Variants in NETO1 observed in about 807,000 individuals in gnomAD.
NETO1 encodes the protein neuropilin and tolloid-like protein 1.
NETO1 carries 26 observed loss-of-function variants against 61.3 expected under a neutral mutation model. The ratio of observed to expected loss-of-function variants is 0.42; its 90% CI spans 0.31 to 0.59. NETO1 has a LOEUF of 0.59. NETO1 is among the 20% of genes least tolerant of loss of function. The pLI is 0.12. For synonymous variants in NETO1, 225 were observed against 225.8 expected, an observed-to-expected ratio of 1.00 and a Z score of 0.03; for missense variants, 531 against 662.8, an observed-to-expected ratio of 0.80 and a Z score of 2.18.
intron 7 of NETO1, among the ~76,000 whole-genome samples, chr18:72,757,782 A>G (rs1269415823): frequency 6.6e-6 from 1 of 152,204 alleles, no homozygotes; most frequent in African/African-American, 2.4e-5. Flanking sequence ...GTAGCTGACT[A>G]TAATGGCTTT....
At chr18:72,834,532 T>C (rs2156099) in intron 4 of NETO1, 395,402 of 960,548 alleles carry the variant, frequency 0.41, 82,073 homozygotes, top group East Asian at 0.64. Flanking sequence ...TTAATTACTA[T>C]ATATAATATA....
At chr18:72,754,124 C>A (rs540672786) in intron 8 of NETO1, among the ~76,000 whole-genome samples, 1 of 152,012 alleles carries the variant, frequency 6.6e-6, no homozygotes, top group Non-Finnish European at 1.5e-5. Context: ...TAGTAGAAAT[C>A]TAATACATTC....
At chr18:72,856,054 T>C (rs1215869920) in intron 4 of NETO1, among the ~76,000 whole-genome samples, 1 of 152,194 alleles carries the variant, frequency 6.6e-6, no homozygotes, top group African/African-American at 2.4e-5. Flanking sequence ...TGTATAAATA[T>C]TGTGTATATA....
At chr18:72,763,389 T>C (rs1182578117) in intron 7 of NETO1, among the ~76,000 whole-genome samples, 1 of 152,172 alleles carries the variant, frequency 6.6e-6, no homozygotes, top group Non-Finnish European at 1.5e-5. Context: ...TCCCTGGACT[T>C]AGGGTCTGGC....
Position 72,830,922 on chromosome 18 carries a change from C to T in NETO1, c.469+27904G>A, listed in dbSNP as rs1399818850. ...ATTTACCACTGCAGGAAAAACTGTA[C>T]TTGATAGGGTTGTCAATTATGCCTT... On this transcript the variant is annotated intron_variant, in intron 4 of 10. Coordinates refer to ENST00000327305, the MANE Select transcript of NETO1 (RefSeq NM_138966.5). The surrounding 1 kb of genome is among the most constrained non-coding windows in gnomAD (Gnocchi z 4.9). 2.0e-5 allele frequency among the ~76,000 whole-genome samples: 3 copies of T among 152,058 alleles called. No homozygotes were observed. Among genetic ancestry groups the T allele is most frequent in the Non-Finnish European group, 2.9e-5 (2 of 68,026 alleles).
At chr18:72,779,134 G>A (rs534880664) in intron 7 of NETO1, among the ~76,000 whole-genome samples, 7 of 152,192 alleles carry the variant, frequency 4.6e-5, no homozygotes, top group South Asian at 2.1e-4. Context: ...TGAATAAGAC[G>A]AAAGCTGATC....
At chr18:72,795,348 T>A (rs534033634) in intron 4 of NETO1, among the ~76,000 whole-genome samples, 20 of 152,308 alleles carry the variant, frequency 1.3e-4, no homozygotes, top group African/African-American at 4.8e-4. Flanking sequence ...GAATCATGCG[T>A]TAGCCAACTT....
chr18:72,834,443 A>G, intron 4 of NETO1: 8 of 979,714 alleles, frequency 8.2e-6, no homozygotes, highest in Non-Finnish European at 9.7e-6. Flanking sequence ...AAGAACACAG[A>G]AAAACATATC....
At chr18:72,773,325 C>A (rs2071438145) in intron 7 of NETO1, among the ~76,000 whole-genome samples, 1 of 152,080 alleles carries the variant, frequency 6.6e-6, no homozygotes, top group Non-Finnish European at 1.5e-5. Context: ...AAATCAAAGT[C>A]AATCAAGCTT....
intron 7 of NETO1, among the ~76,000 whole-genome samples, chr18:72,762,318 G>A (rs2071004242): frequency 6.6e-6 from 1 of 151,956 alleles, no homozygotes; most frequent in African/African-American, 2.4e-5. Flanking sequence ...GCACCACCAC[G>A]CCCGGCTAAA....
Position 72,767,135 on chromosome 18 carries a change from G to A in NETO1, c.869-10988C>T, listed in dbSNP as rs77458733. 3.4e-3 allele frequency among the ~76,000 whole-genome samples: 516 copies of A among 152,184 alleles called. 2 individuals carry two copies. Among genetic ancestry groups the A allele is most frequent in the African/African-American group, 0.012 (502 of 41,512 alleles). ...TGAACATGCCAAGTCCCACAAAGGGGGCCTGCAGTAAATGAAGATTAGAGC... is the reference window on the plus strand; with the variant it reads ...TGAACATGCCAAGTCCCACAAAGGGAGCCTGCAGTAAATGAAGATTAGAGC... On this transcript the variant is annotated intron_variant, in intron 7 of 10. Transcript: ENST00000327305.
At chr18:72,859,274 C>T (rs938918804) in intron 3 of NETO1, among the ~76,000 whole-genome samples, 200 bp from the exon 4 acceptor site, 10 of 152,192 alleles carry the variant, frequency 6.6e-5, no homozygotes, top group African/African-American at 1.7e-4. Flanking sequence ...AACTTAAAAC[C>T]GATGATGTTG....
intron 4 of NETO1, among the ~76,000 whole-genome samples, chr18:72,809,808 T>G (rs2072804089): frequency 6.6e-6 from 1 of 152,212 alleles, no homozygotes; most frequent in South Asian, 2.1e-4. Flanking sequence ...GAAAATACCC[T>G]CAGAAAATTT....
In NETO1 at chr18:72,867,360, C is replaced by G; in HGVS notation, c.-69G>C. 7.3e-7 allele frequency: 1 copy of G among 1,365,330 alleles called. No homozygotes were observed. The highest frequency in any genetic ancestry group is 1.0e-6 in the Non-Finnish European group (1 of 1,001,696). 84.6% of individuals were successfully genotyped at this position (1,365,330 alleles called of 1,614,324 possible). A position where few individuals can be genotyped will look rare whatever the true frequency, so the allele number is the denominator to read the frequency against. ...TTAGAGACGGGAAGACTTCCAGTGGCGGGGGGAGGACAGGGTCGAGAGGTG... is the reference window on the plus strand; with the variant it reads ...TTAGAGACGGGAAGACTTCCAGTGGGGGGGGGAGGACAGGGTCGAGAGGTG... On this transcript the variant is annotated 5_prime_UTR_variant, in exon 1 of 11. Coordinates refer to ENST00000327305, the MANE Select transcript of NETO1 (RefSeq NM_138966.5).
In NETO1 at chr18:72,746,302, G is replaced by A. The variant is rs2070430308; in HGVS notation, c.*1877C>T. On this transcript the variant is annotated 3_prime_UTR_variant, in exon 11 of 11. Transcript: ENST00000327305. ...GATTAATCCTTTAAAAAAATCTTTGGTGTATTAATTTTAAATTAAAGGGCA... is the reference window on the plus strand; with the variant it reads ...GATTAATCCTTTAAAAAAATCTTTGATGTATTAATTTTAAATTAAAGGGCA... Among the ~76,000 whole-genome samples, 1 of 151,974 alleles carries A rather than the reference G, an allele frequency of 6.6e-6. No homozygotes were observed. Among genetic ancestry groups the A allele is most frequent in the African/African-American group, 2.4e-5 (1 of 41,388 alleles).
At chr18:72,851,197 A>T (rs1485367753) in intron 4 of NETO1, among the ~76,000 whole-genome samples, 1 of 152,118 alleles carries the variant, frequency 6.6e-6, no homozygotes, top group Non-Finnish European at 1.5e-5. Context: ...GGATCACCTG[A>T]GGTCGGGAGT....
chr18:72,862,093 C>T (rs957072373), intron 3 of NETO1, among the ~76,000 whole-genome samples: 68 of 152,282 alleles, frequency 4.5e-4, no homozygotes, highest in South Asian at 6.2e-4. Flanking sequence ...CTGTCCCTCT[C>T]TTATGTGTTA....
Position 72,846,677 on chromosome 18 carries a change from C to A in NETO1, c.469+12149G>T, listed in dbSNP as rs527566099. On this transcript the variant is annotated intron_variant, in intron 4 of 10. Transcript: ENST00000327305. Reference sequence around the variant, plus strand: ...AATCTTTTTTTATTTAAAATTGAGACGCAGATATTACTTAAGGATGATTAT... The same window carrying A: ...AATCTTTTTTTATTTAAAATTGAGAAGCAGATATTACTTAAGGATGATTAT... Among the ~76,000 whole-genome samples, 17 of 151,260 alleles carry A rather than the reference C, an allele frequency of 1.1e-4. No homozygotes were observed. The East Asian group carries it at 3.1e-3, about 28-fold the overall frequency.
intron 4 of NETO1, among the ~76,000 whole-genome samples, chr18:72,825,358 T>C (rs1221510550): frequency 1.3e-5 from 2 of 152,178 alleles, no homozygotes; most frequent in African/African-American, 2.4e-5. Context: ...TTTTCAAATA[T>C]ATTGGCAAAA....
Sources: gnomAD v4.1 joint callset for allele counts (sites outside exome capture counted in the v4.1 genomes callset) on GRCh38, gnomAD v4.1.1 for gene constraint, Gnocchi (gnomAD v3.1) non-coding constraint, MANE v1.5 for transcripts, NCBI Gene and HGNC (gene_info 2026-07-23, HGNC 2026-07-21) for gene names.